KIAA1217: variants seen among roughly 807,000 people sequenced by gnomAD.
KIAA1217 encodes the protein KIAA1217, also known as sickle tail protein homolog.
KIAA1217 carries 88 observed loss-of-function variants against 163.9 expected under a neutral mutation model. That is an observed-to-expected ratio of 0.54 (90% CI 0.45 to 0.64). KIAA1217 has a LOEUF of 0.64. KIAA1217 is among the 30% of genes least tolerant of loss of function. The pLI is 0.00. For synonymous variants in KIAA1217, 903 were observed against 923.1 expected (o/e 0.98, Z 0.39); for missense variants, 2,372 against 2,475.0 (o/e 0.96, Z 0.88).
At chr10:24,370,221 C>G (rs977978294) in intron 2 of KIAA1217, among the ~76,000 whole-genome samples, 2 of 142,112 alleles carry the variant, frequency 1.4e-5, no homozygotes, top group Non-Finnish European at 3.0e-5. Flanking sequence ...GCCAAGATCA[C>G]GCCACTGCAC....
intron 1 of KIAA1217, among the ~76,000 whole-genome samples, chr10:23,992,748 C>T (rs2131442673): frequency 6.6e-6 from 1 of 151,584 alleles, no homozygotes; most frequent in East Asian, 1.9e-4. Context: ...TGCCTGTTGG[C>T]CCCTACAAAT....
intron 2 of KIAA1217, among the ~76,000 whole-genome samples, chr10:24,154,910 G>A (rs2064804879): frequency 6.8e-6 from 1 of 148,142 alleles, no homozygotes. Context: ...CTGGGCAACA[G>A]AGTGAGACTC....
chr10:23,907,967 T>A (rs1759711333), intron 1 of KIAA1217, among the ~76,000 whole-genome samples: 1 of 151,714 alleles, frequency 6.6e-6, no homozygotes, highest in Admixed American at 6.6e-5. Flanking sequence ...AAGAAGAAAA[T>A]TCTTCTTTGC....
chr10:24,084,910 C>CTTTTTTTTTTTTTTTTTTTTTTTTTTTT (rs1197313508), intron 2 of KIAA1217, among the ~76,000 whole-genome samples: 1 of 123,810 alleles, frequency 8.1e-6, no homozygotes, highest in Non-Finnish European at 1.7e-5. Context: ...GCAGAGTTTA[C>CTTTTTTTTTTTTTTTTTTTTTTTTTTTT]TTTTTTTTTT....
At chr10:24,397,106 C>CTGTT (rs1200787890) in intron 3 of KIAA1217, among the ~76,000 whole-genome samples, 63 of 138,238 alleles carry the variant, frequency 4.6e-4, no homozygotes, top group African/African-American at 1.7e-3. Context: ...ATGTAAGAAA[C>CTGTT]TCTTTTTTTT....
intron 1 of KIAA1217, among the ~76,000 whole-genome samples, chr10:23,952,573 A>G (rs1226310436): frequency 1.2e-4 from 19 of 152,076 alleles, no homozygotes; most frequent in Non-Finnish European, 1.6e-4. Flanking sequence ...CTTCCTGGCC[A>G]TTTTCTCCAT....
chr10:23,784,502 T>C (rs1220954340), intron 1 of KIAA1217, among the ~76,000 whole-genome samples: 1 of 152,168 alleles, frequency 6.6e-6, no homozygotes, highest in Non-Finnish European at 1.5e-5. Flanking sequence ...GGGGTTTTTT[T>C]TGTTTGTTTG....
At chr10:23,910,224 C>T (rs1412798234) in intron 1 of KIAA1217, among the ~76,000 whole-genome samples, 1 of 152,042 alleles carries the variant, frequency 6.6e-6, no homozygotes, top group East Asian at 1.9e-4. Context: ...GTGCAACAAA[C>T]TACCGTGGCA....
chr10:24,384,330 A>G (rs1053413040), intron 3 of KIAA1217, among the ~76,000 whole-genome samples: 1 of 152,114 alleles, frequency 6.6e-6, no homozygotes. Flanking sequence ...TAGGTTTGTA[A>G]CAAGATCGAG....
intron 5 of KIAA1217, among the ~76,000 whole-genome samples, chr10:24,470,056 C>T (rs1003115761): frequency 2.0e-5 from 3 of 152,076 alleles, no homozygotes; most frequent in Non-Finnish European, 4.4e-5. Context: ...GAATTTATCT[C>T]GATGTTTGTT....
Position 23,844,617 on chromosome 10 carries a change from T to C in KIAA1217, c.-321+149383T>C, listed in dbSNP as rs151322839. Among the ~76,000 whole-genome samples the C allele has an allele frequency of 1.2e-4, 19 of 152,290 alleles. No individual in the cohort carries two copies. The East Asian group carries it at 3.7e-3, about 29-fold the overall frequency. ...ATATTCTCCTGGTTTTCTCTATCTC[T>C]TTTGTTCCTTCCTTGTCAATATCCT... On this transcript the variant is annotated intron_variant, in intron 1 of 18. Coordinates refer to the KIAA1217 transcript ENST00000376462.
At chr10:23,826,756 A>G (rs1376124240) in intron 1 of KIAA1217, among the ~76,000 whole-genome samples, 3 of 151,970 alleles carry the variant, frequency 2.0e-5, no homozygotes, top group African/African-American at 4.8e-5. Context: ...CGACTCCTCA[A>G]ATGCTCCAAG....
chr10:23,852,852 TG>T (rs1211077307), intron 1 of KIAA1217, among the ~76,000 whole-genome samples: 2 of 152,228 alleles, frequency 1.3e-5, no homozygotes, highest in Non-Finnish European at 2.9e-5. Flanking sequence ...TTGTGATTTT[TG>T]TACATTGATT....
intron 2 of KIAA1217, chr10:24,157,904 C>G (rs956425407): frequency 6.0e-6 from 4 of 669,698 alleles, no homozygotes; most frequent in Admixed American, 2.3e-5. Flanking sequence ...GGCTTCATCT[C>G]CAAAGCCAGG....
chr10:24,136,254 A>G (rs916628273), intron 2 of KIAA1217, among the ~76,000 whole-genome samples: 9 of 152,188 alleles, frequency 5.9e-5, no homozygotes, highest in Admixed American at 2.6e-4. Context: ...CTTCAAACAT[A>G]ATGAGTAATT....
chr10:23,762,973 G>A (rs934189199), intron 1 of KIAA1217, among the ~76,000 whole-genome samples: 6 of 151,892 alleles, frequency 4.0e-5, no homozygotes, highest in African/African-American at 1.5e-4. Flanking sequence ...TACACCAATA[G>A]AGAAGCAGAG....
At chr10:23,750,574 A>G (rs1298718668) in intron 1 of KIAA1217, among the ~76,000 whole-genome samples, 2 of 151,998 alleles carry the variant, frequency 1.3e-5, no homozygotes, top group Admixed American at 1.3e-4. Context: ...TGCATGTTGT[A>G]TTTGCCCCTT....
At chr10:24,012,304 G>A (rs1396710145) in intron 2 of KIAA1217, among the ~76,000 whole-genome samples, 3 of 152,080 alleles carry the variant, frequency 2.0e-5, no homozygotes, top group South Asian at 4.1e-4. Context: ...TAAACCTAGG[G>A]TCTTGGCTCC....
intron 2 of KIAA1217, among the ~76,000 whole-genome samples, chr10:24,196,329 A>G (rs1252197187): frequency 1.3e-5 from 2 of 152,256 alleles, no homozygotes; most frequent in Non-Finnish European, 2.9e-5. Context: ...CACAGCTTCC[A>G]GGCAATTGCA....
Sources: gnomAD v4.1 joint callset for allele counts (sites outside exome capture counted in the v4.1 genomes callset) on GRCh38, gnomAD v4.1.1 for gene constraint, MANE v1.5 for transcripts, NCBI Gene and HGNC (gene_info 2026-07-23, HGNC 2026-07-21) for gene names.